The following GLIS1 variants were observed in gnomAD, a reference collection of about 807,000 sequenced individuals.
GLIS1 encodes the protein GLIS family zinc finger 1.
Under a neutral mutation model 63.8 loss-of-function variants are expected in GLIS1, and 24 were observed. The observed-to-expected ratio is 0.38, with a 90% CI of 0.27 to 0.53. The LOEUF is 0.53. Ranked by LOEUF, GLIS1 falls within the 20% of genes least tolerant of loss-of-function variation. The pLI, the probability that GLIS1 is intolerant of heterozygous loss-of-function variation, is 0.85. For synonymous variants in GLIS1, 450 were observed against 482.5 expected, an observed-to-expected ratio of 0.93 and a Z score of 0.88; for missense variants, 1,036 against 1,074.1, an observed-to-expected ratio of 0.96 and a Z score of 0.50.
chr1:53,537,885 G>C (rs1041279734), intron 4 of GLIS1, among the ~76,000 whole-genome samples: 1 of 152,242 alleles, frequency 6.6e-6, no homozygotes, highest in African/African-American at 2.4e-5. Context: ...AAGTCTGGCA[G>C]GCCATTCAGG....
At chr1:53,629,056 C>T (rs1440292275) in intron 2 of GLIS1, among the ~76,000 whole-genome samples, 1 of 152,100 alleles carries the variant, frequency 6.6e-6, no homozygotes, top group Middle Eastern at 3.2e-3. Flanking sequence ...TGCACATGTA[C>T]ACACATGGGG....
chr1:53,727,596 C>A (rs1646818373), intron 2 of GLIS1, among the ~76,000 whole-genome samples: 1 of 152,240 alleles, frequency 6.6e-6, no homozygotes, highest in Non-Finnish European at 1.5e-5. Context: ...GGCCAAGAGG[C>A]CAATGGTCAG....
intron 9 of GLIS1, 65 bp from the exon 10 acceptor site, chr1:53,509,352 A>G: frequency 7.1e-7 from 1 of 1,416,970 alleles, no homozygotes; most frequent in Non-Finnish European, 9.6e-7. Context: ...GGAGGGGAAC[A>G]TCCTTGCTGC....
intron 4 of GLIS1, among the ~76,000 whole-genome samples, chr1:53,545,897 T>C (rs1231316954): frequency 6.6e-6 from 1 of 152,218 alleles, no homozygotes; most frequent in African/African-American, 2.4e-5. Context: ...ATCCGGTCCA[T>C]GCGCTGGCTC....
At chr1:53,529,654 G>T in intron 5 of GLIS1, 137 bp downstream of exon 5, 1 of 849,142 alleles carries the variant, frequency 1.2e-6, no homozygotes, top group Non-Finnish European at 1.8e-6. Flanking sequence ...GACACCATCC[G>T]ACCCACTGCC....
rs964371453 is a variant in GLIS1 at position 53,509,911 on chromosome 1, G to T, written c.2000C>A (p.Pro667His). The T allele has an allele frequency of 7.6e-7, 1 of 1,307,534 alleles. No individual in the cohort carries two copies. The allele number at this position is 1,307,534 out of a possible 1,614,324, so 81.0% of individuals were successfully genotyped here. A position where few individuals can be genotyped will look rare whatever the true frequency, so the allele number is the denominator to read the frequency against. ...GAAGGGTGGGTAGGACGGCTTGCTG[G>T]GGAGTGTGGGGAAGGGCTGGCCCCC... ...SPGGQPFPTL[P>H]SKPSYPPFQS... The change falls in exon 9 of 11, where the codon CCC (proline) becomes CAC (histidine). Residue 667 changes from proline to histidine, a missense_variant. Physicochemically the swap from Pro to His is moderately conservative, Grantham distance 77 (BLOSUM62 -2). Around this residue, in one of 3 missense-constraint regions of GLIS1, gnomAD observed 400 missense variants for 400.9 expected, o/e 1.00. Transcript: ENST00000628545.
intron 4 of GLIS1, among the ~76,000 whole-genome samples, chr1:53,549,032 G>A (rs988621385): frequency 6.6e-6 from 1 of 152,210 alleles, no homozygotes; most frequent in Admixed American, 6.5e-5. Flanking sequence ...GTTGAATCAT[G>A]CAATCTGTGG....
At position 53,646,934 on chromosome 1, in the gene GLIS1, A is replaced by G. The variant is rs1001840312; in HGVS notation, c.260-46656T>C. Reference sequence around the variant, plus strand: ...AAGGGAAGGAAGGAAGGAAGGAAAGAAGGAAGGAAAGGGAAGGGAAGGGAA... The same window carrying G: ...AAGGGAAGGAAGGAAGGAAGGAAAGGAGGAAGGAAAGGGAAGGGAAGGGAA... On this transcript the variant is annotated intron_variant, in intron 2 of 10. Transcript: ENST00000628545. This position sits in a 1 kb window ranked among gnomAD's most constrained non-coding sequence, Gnocchi z 4.2. Among the ~76,000 whole-genome samples, 2 of 140,408 alleles carry G rather than the reference A, an allele frequency of 1.4e-5. No individual in the cohort carries two copies. The highest frequency in any genetic ancestry group is 3.1e-5 in the Non-Finnish European group (2 of 64,974). The allele number at this position is 140,408 out of a possible 152,430, so 92.1% of individuals were successfully genotyped here.
At chr1:53,612,388 C>T (rs6673158) in intron 2 of GLIS1, among the ~76,000 whole-genome samples, 2,822 of 152,062 alleles carry the variant, frequency 0.019, 85 homozygotes, top group African/African-American at 0.065. Flanking sequence ...TACAGGTGCC[C>T]GCCACCACAT....
At chr1:53,613,593 T>C (rs1443193272) in intron 2 of GLIS1, among the ~76,000 whole-genome samples, 5 of 152,062 alleles carry the variant, frequency 3.3e-5, no homozygotes, top group Non-Finnish European at 1.5e-5. Context: ...CCCAAAAGCT[T>C]CAATAAATTA....
chr1:53,679,320 C>G (rs542105283), intron 2 of GLIS1, among the ~76,000 whole-genome samples: 2 of 152,334 alleles, frequency 1.3e-5, no homozygotes, highest in South Asian at 4.1e-4. Flanking sequence ...AAAATAACTA[C>G]AAGGCATTTC....
At chr1:53,662,287 TC>T (rs1379428346) in intron 2 of GLIS1, among the ~76,000 whole-genome samples, 1 of 152,154 alleles carries the variant, frequency 6.6e-6, no homozygotes, top group East Asian at 1.9e-4. Flanking sequence ...AGCATTATCA[TC>T]ATCATTCGAA....
chr1:53,591,122 C>T (rs1645189495), intron 4 of GLIS1, among the ~76,000 whole-genome samples: 1 of 152,236 alleles, frequency 6.6e-6, no homozygotes, highest in African/African-American at 2.4e-5. Flanking sequence ...TCTCCAGAGG[C>T]TCTGGGTCCA....
chr1:53,725,827 G>A (rs1043896714), intron 2 of GLIS1, among the ~76,000 whole-genome samples: 1 of 152,134 alleles, frequency 6.6e-6, no homozygotes, highest in East Asian at 1.9e-4. Flanking sequence ...ATTTTAAAAG[G>A]GGGAACTGAG....
At chr1:53,672,340 A>C (rs1225527914) in intron 2 of GLIS1, among the ~76,000 whole-genome samples, 1 of 152,112 alleles carries the variant, frequency 6.6e-6, no homozygotes, top group Non-Finnish European at 1.5e-5. Flanking sequence ...CTTTGTACGA[A>C]ATGGAACCAT....
At chr1:53,585,658 T>A (rs978055000) in intron 4 of GLIS1, among the ~76,000 whole-genome samples, 18 of 152,060 alleles carry the variant, frequency 1.2e-4, no homozygotes, top group African/African-American at 4.1e-4. Context: ...AGGAACTACA[T>A]TTGGGGAGCA....
chr1:53,609,259 T>G lies in GLIS1; in HGVS notation c.260-8981A>C, dbSNP rs548888783. ...ATTACCATATATTTGGGTATTTGGG[T>G]TTAAATCTTTTTTTTTTTTTTTTTT... is the stretch of plus-strand genomic sequence containing the variant. On this transcript the variant is annotated intron_variant, in intron 2 of 10. Transcript: ENST00000628545. Among the ~76,000 whole-genome samples, 29 of 141,910 alleles carry G rather than the reference T, an allele frequency of 2.0e-4. No homozygotes were observed. In the East Asian group the frequency reaches 5.8e-3, roughly 28 times the overall value. The allele number at this position is 141,910 out of a possible 152,430, so 93.1% of individuals were successfully genotyped here. A position where few individuals can be genotyped will look rare whatever the true frequency, so the allele number is the denominator to read the frequency against.
intron 4 of GLIS1, among the ~76,000 whole-genome samples, chr1:53,567,206 T>C (rs1644943326): frequency 6.6e-6 from 1 of 152,240 alleles, no homozygotes; most frequent in Non-Finnish European, 1.5e-5. Context: ...TCATTCTTGT[T>C]ATGCTTTAGC....
intron 4 of GLIS1, among the ~76,000 whole-genome samples, chr1:53,532,386 A>T (rs1441621172): frequency 1.3e-5 from 2 of 152,210 alleles, no homozygotes; most frequent in Non-Finnish European, 2.9e-5. Flanking sequence ...GTTCCGGGAC[A>T]GCTCCCTCTG....
Sources: gnomAD v4.1 joint callset for allele counts (sites outside exome capture counted in the v4.1 genomes callset) on GRCh38, gnomAD v4.1.1 for gene constraint, gnomAD v4.1.1 regional missense constraint, Gnocchi (gnomAD v3.1) non-coding constraint, MANE v1.5 for transcripts, NCBI Gene and HGNC (gene_info 2026-07-23, HGNC 2026-07-21) for gene names.